The following ANO3 variants were observed in gnomAD, a reference collection of about 807,000 sequenced individuals.
The protein encoded by ANO3 is anoctamin 3, also known as anoctamin-3.
ANO3 carries 99 observed loss-of-function variants against 144.8 expected under a neutral mutation model. That is an observed-to-expected ratio of 0.68 (90% CI 0.58 to 0.81). The LOEUF is 0.81. ANO3 is among the 30% of genes least tolerant of loss of function. ANO3 has a pLI of 0.00. For synonymous variants in ANO3, 414 were observed against 392.6 expected (o/e 1.05, Z -0.64); for missense variants, 905 against 1,202.2 (o/e 0.75, Z 3.66).
chr11:26,622,458 C>T (rs1423936450), intron 17 of ANO3, among the ~76,000 whole-genome samples: 1 of 148,482 alleles, frequency 6.7e-6, no homozygotes, highest in African/African-American at 2.5e-5. Context: ...AGAAAATGAG[C>T]CAGGCATCAT....
In ANO3 at chr11:26,567,236, TA is replaced by T. The variant is rs553567756; in HGVS notation, c.1447+7464del. On this transcript the variant is annotated intron_variant, in intron 14 of 26. Transcript: ENST00000256737. ...AGTGCTTTTAATGGAAAATTTACTT[TA>T]AAAAAATAGACTTTTTTTTCCTCAA... The T allele has an allele frequency of 1.6e-4, 120 of 758,844 alleles. No homozygotes were observed. In the African/African-American group the frequency reaches 1.9e-3, roughly 12 times the overall value. 47.0% of individuals were successfully genotyped at this position (758,844 alleles called of 1,614,324 possible).
intron 1 of ANO3, among the ~76,000 whole-genome samples, chr11:26,404,925 T>TTATA (rs555709558): frequency 1.8e-5 from 1 of 56,516 alleles, no homozygotes; most frequent in Non-Finnish European, 4.5e-5. Flanking sequence ...AGCAAGGAAT[T>TTATA]TATATATATG....
intron 1 of ANO3, among the ~76,000 whole-genome samples, chr11:26,271,538 GTATT>G (rs1853438475): frequency 1.3e-5 from 2 of 152,016 alleles, no homozygotes; most frequent in South Asian, 4.1e-4. Flanking sequence ...TTTAGTATTT[GTATT>G]TATTTCTTTT....
chr11:26,194,151 TG>T (rs1242032236), intron 1 of ANO3, among the ~76,000 whole-genome samples: 2 of 152,164 alleles, frequency 1.3e-5, no homozygotes, highest in African/African-American at 2.4e-5. Flanking sequence ...CTTATTATAA[TG>T]GTTTTCCAGA....
rs1034582219 is a variant in ANO3 at position 26,516,774 on chromosome 11, A to G, written c.592-53A>G. ...TATTCCCAAATCAAACTGTGGCATG[A>G]TATCATCAGCTCTGATTCTAAATAA... On this transcript the variant is annotated intron_variant, in intron 5 of 26. Transcript: ENST00000256737. The G allele has an allele frequency of 4.8e-5, 60 of 1,254,704 alleles. 1 individual carries two copies. The Admixed American group carries it at 8.3e-4, about 17-fold the overall frequency. The allele number at this position is 1,254,704 out of a possible 1,614,324, so 77.7% of individuals were successfully genotyped here. A position where few individuals can be genotyped will look rare whatever the true frequency, so the allele number is the denominator to read the frequency against.
intron 11 of ANO3, among the ~76,000 whole-genome samples, chr11:26,546,857 A>G (rs2703407): frequency 0.71 from 108,004 of 151,826 alleles, 38,729 homozygotes; most frequent in East Asian, 0.84. Flanking sequence ...ACTGGTAATT[A>G]CCATACATTT....
At chr11:26,571,289 A>G (rs1850815516) in intron 14 of ANO3, among the ~76,000 whole-genome samples, 2 of 152,134 alleles carry the variant, frequency 1.3e-5, no homozygotes, top group Admixed American at 1.3e-4. Context: ...TCTACAGACT[A>G]AATAGAAAGT....
At chr11:26,490,493 G>C (rs1326672639) in intron 4 of ANO3, among the ~76,000 whole-genome samples, 2 of 152,198 alleles carry the variant, frequency 1.3e-5, no homozygotes, top group African/African-American at 2.4e-5. Flanking sequence ...GGTATAAACT[G>C]TGCTTTACTG....
intron 1 of ANO3, among the ~76,000 whole-genome samples, chr11:26,408,174 A>G (rs1389273846): frequency 6.6e-6 from 1 of 152,036 alleles, no homozygotes; most frequent in African/African-American, 2.4e-5. Flanking sequence ...AACTACCATC[A>G]GAGTGAACAG....
At chr11:26,448,789 A>C (rs1024541586) in intron 3 of ANO3, among the ~76,000 whole-genome samples, 1 of 152,178 alleles carries the variant, frequency 6.6e-6, no homozygotes, top group Non-Finnish European at 1.5e-5. Context: ...TGAACACATA[A>C]GGTCCTCTTG....
chr11:26,564,458 C>G (rs1401984909), intron 14 of ANO3, among the ~76,000 whole-genome samples: 1 of 149,954 alleles, frequency 6.7e-6, no homozygotes, highest in African/African-American at 2.4e-5. Context: ...GGGGAAAATA[C>G]ATTAGACCTC....
intron 1 of ANO3, among the ~76,000 whole-genome samples, chr11:26,233,657 G>C (rs1852451465): frequency 6.6e-6 from 1 of 152,136 alleles, no homozygotes; most frequent in Non-Finnish European, 1.5e-5. Flanking sequence ...GTTTATTGAA[G>C]CACTATTTAT....
chr11:26,641,712 T>A (rs987213998), intron 21 of ANO3, among the ~76,000 whole-genome samples, 184 bp from the exon 22 acceptor site: 23 of 152,164 alleles, frequency 1.5e-4, no homozygotes, highest in African/African-American at 3.1e-4. Context: ...AAAAATTTTT[T>A]AAGATATTTA....
chr11:26,408,378 T>C (rs1857344082), intron 1 of ANO3, among the ~76,000 whole-genome samples: 1 of 152,050 alleles, frequency 6.6e-6, no homozygotes, highest in Non-Finnish European at 1.5e-5. Flanking sequence ...GAAAAAATGC[T>C]CATCATCACT....
chr11:26,642,338 CTTTCTTTTT>C (rs1183214637), intron 22 of ANO3, among the ~76,000 whole-genome samples: 24 of 119,224 alleles, frequency 2.0e-4, no homozygotes, highest in Admixed American at 3.7e-4. Flanking sequence ...TTCTTTCTTT[CTTTCTTTTT>C]TTTTTTTTTT....
intron 21 of ANO3, among the ~76,000 whole-genome samples, chr11:26,640,413 TG>T (rs1423848080): frequency 6.6e-5 from 10 of 152,190 alleles, no homozygotes; most frequent in African/African-American, 2.4e-4. Flanking sequence ...GATGGAGGAC[TG>T]GGGAGCCCAG....
rs1853877021 is a variant in ANO3 at position 26,661,514 on chromosome 11, C to T, written c.*1070C>T. ...GCTTTTTCAACAATGTGCACTCTTA[C>T]TCATGAACTAATGAAAATAATGCAT... On this transcript the variant is annotated 3_prime_UTR_variant, in exon 27 of 27. Transcript: ENST00000256737. 6.6e-6 allele frequency: 1 copy of T among 152,488 alleles called. No individual in the cohort carries two copies. The highest frequency in any genetic ancestry group is 2.4e-5 in the African/African-American group (1 of 41,426). 9.4% of individuals were successfully genotyped at this position (152,488 alleles called of 1,614,324 possible). A position where few individuals can be genotyped will look rare whatever the true frequency, so the allele number is the denominator to read the frequency against.
chr11:26,409,830 A>G (rs1857384599), intron 1 of ANO3, among the ~76,000 whole-genome samples: 2 of 151,980 alleles, frequency 1.3e-5, no homozygotes, highest in South Asian at 4.1e-4. Context: ...ATGATGTAGT[A>G]ATAAAGATGA....
At chr11:26,323,321 G>A (rs1260516675) in intron 1 of ANO3, among the ~76,000 whole-genome samples, 2 of 152,062 alleles carry the variant, frequency 1.3e-5, no homozygotes, top group Admixed American at 1.3e-4. Context: ...ACTATTTAAG[G>A]CTGAATATCT....
Sources: allele counts gnomAD v4.1 joint callset (sites outside exome capture counted in the v4.1 genomes callset), GRCh38; gene constraint gnomAD v4.1.1; transcripts MANE v1.5; gene names NCBI Gene and HGNC (gene_info 2026-07-23, HGNC 2026-07-21).